ANKRD35: variants seen among roughly 807,000 people sequenced by gnomAD.
ANKRD35 encodes the protein ankyrin repeat domain-containing protein 35.
In ANKRD35, 102 loss-of-function variants were observed where a neutral mutation model predicts 109.9. That is an observed-to-expected ratio of 0.93 (90% CI 0.79 to 1.09). The LOEUF (loss-of-function observed/expected upper bound fraction) is 1.09, where lower values mean the gene tolerates loss of function less well. Among genes scored for constraint, ANKRD35 ranks in the 50% least tolerant of loss-of-function variants. The pLI is 0.00. For missense variants in ANKRD35, 1,240 were observed against 1,230.1 expected (o/e 1.01, Z -0.12); for synonymous variants, 515 against 512.4 (o/e 1.01, Z -0.07).
intron 10 of ANKRD35, among the ~76,000 whole-genome samples, chr1:145,869,010 G>T (rs1653707703): frequency 1.3e-5 from 2 of 151,860 alleles, no homozygotes; most frequent in Admixed American, 1.3e-4. Flanking sequence ...TTTCAAAAGA[G>T]GCATCTAAAT....
chr1:145,878,319 C>T (rs2101714051), intron 3 of ANKRD35, 72 bp downstream of exon 3: 3 of 1,452,214 alleles, frequency 2.1e-6, no homozygotes, highest in Middle Eastern at 2.0e-4. Flanking sequence ...CCAGCAGGGC[C>T]CAGCACCGCC....
At position 145,874,978 on chromosome 1, in the gene ANKRD35, C is replaced by A; in HGVS notation, c.589G>T (p.Gly197Cys). ...KSALILACEK[G>C]SAEVAELLLS... The stretch of plus-strand genomic sequence containing the variant: ...AGCAGTTCAGCCACCTCGGCACTGC[C>A]TTTCTCACAGGCCAGGATCAAAGCC... Residue 197 changes from glycine (G) to cysteine (C), a missense_variant, in exon 8 of 14, where the codon GGC becomes TGC. Coordinates refer to ENST00000355594, the MANE Select transcript of ANKRD35 (RefSeq NM_144698.5). The A allele has an allele frequency of 6.2e-7, 1 of 1,611,104 alleles. No individual in the cohort carries two copies. The highest frequency in any genetic ancestry group is 8.5e-7 in the Non-Finnish European group (1 of 1,178,758).
intron 10 of ANKRD35, among the ~76,000 whole-genome samples, chr1:145,871,257 T>A (rs1233721181): frequency 2.1e-5 from 3 of 144,206 alleles, no homozygotes; most frequent in African/African-American, 7.6e-5. Flanking sequence ...TCTGCCTCTC[T>A]GGTTCAGGCG....
intron 10 of ANKRD35, among the ~76,000 whole-genome samples, chr1:145,870,720 A>G (rs1282596829): frequency 6.6e-6 from 1 of 151,946 alleles, no homozygotes; most frequent in African/African-American, 2.4e-5. Context: ...ATATATATAT[A>G]TAACGTTTTT....
intron 1 of ANKRD35, among the ~76,000 whole-genome samples, chr1:145,880,908 A>C (rs1040639190): frequency 1.3e-5 from 2 of 152,244 alleles, no homozygotes; most frequent in South Asian, 4.1e-4. Flanking sequence ...CTATTATTCC[A>C]TCTCTTTGAC....
intron 1 of ANKRD35, among the ~76,000 whole-genome samples, chr1:145,881,949 CTTTT>C (rs782253954): frequency 1.1e-4 from 11 of 104,640 alleles, no homozygotes; most frequent in African/African-American, 3.8e-4. Flanking sequence ...CTTTCCCCTT[CTTTT>C]TTTTTTTTTT....
chr1:145,868,606 C>T (rs781925633), intron 10 of ANKRD35, among the ~76,000 whole-genome samples: 2 of 152,230 alleles, frequency 1.3e-5, no homozygotes, highest in African/African-American at 4.8e-5. Flanking sequence ...TCACAAACTT[C>T]GGTGAAACCC....
intron 4 of ANKRD35, 102 bp downstream of exon 4, chr1:145,877,866 A>G (rs1290909297): frequency 8.9e-7 from 1 of 1,120,600 alleles, no homozygotes; most frequent in Non-Finnish European, 1.3e-6. Context: ...GGATGAGGCG[A>G]GTACATTTGG....
chr1:145,882,462 A>ATTTTTTTTT (rs781961496), intron 1 of ANKRD35, among the ~76,000 whole-genome samples: 4,981 of 140,122 alleles, frequency 0.036, 364 homozygotes, highest in African/African-American at 0.13. Flanking sequence ...CACCCAGGTA[A>ATTTTTTTTT]TTTTTTTTTT....
Position 145,873,277 on chromosome 1 carries a change from C to T in ANKRD35, c.1492G>A (p.Glu498Lys), listed in dbSNP as rs781997444. Residue 498 changes from glutamate to lysine, a missense_variant, in exon 10 of 14, where the codon GAG becomes AAG. By Grantham distance (56) the Glu-to-Lys change is moderately conservative. Transcript: ENST00000355594. ...MNQLLLQLRE[E>K]LAAVWREKDA... ...TTTTCTCGCCACACTGCAGCAAGCT[C>T]CTCCCTTAGTTGAAGCAGAAGCTGG... The T allele has an allele frequency of 3.1e-6, 5 of 1,614,170 alleles. No individual in the cohort carries two copies. In the South Asian group the frequency reaches 5.5e-5, roughly 18 times the overall value.
chr1:145,881,080 G>A (rs1553741033), intron 1 of ANKRD35, among the ~76,000 whole-genome samples: 3 of 152,240 alleles, frequency 2.0e-5, no homozygotes, highest in Non-Finnish European at 1.5e-5. Flanking sequence ...GAGGTCAGGA[G>A]TTCAAGACCA....
chr1:145,873,547 C>G lies in ANKRD35; in HGVS notation c.1222G>C (p.Ala408Pro). ...ACTTCATACTGGATCTTTCCTGGGG[C>G]TGAGTCCTCAGCCTTCTTTGGAGCT... The part of the protein sequence containing the change: ...VLAPKKAEDS[A>P]PGKIQYEVHG... Residue 408 changes from alanine to proline, a missense_variant, in exon 10 of 14, where the codon GCC becomes CCC. Coordinates refer to ENST00000355594, the MANE Select transcript of ANKRD35 (RefSeq NM_144698.5). The G allele has an allele frequency of 6.2e-7, 1 of 1,614,128 alleles. No homozygotes were observed. Among genetic ancestry groups the G allele is most frequent in the South Asian group, 1.1e-5 (1 of 91,082 alleles).
intron 4 of ANKRD35, among the ~76,000 whole-genome samples, chr1:145,877,168 T>G (rs1280943385): frequency 6.6e-6 from 1 of 152,082 alleles, no homozygotes; most frequent in Non-Finnish European, 1.5e-5. Context: ...ATTGTGAAAT[T>G]TGGAAAGGAT....
At position 145,873,383 on chromosome 1, in the gene ANKRD35, A is replaced by G. The variant is rs1553739338; in HGVS notation, c.1386T>C (p.Ala462=). The G allele has an allele frequency of 1.9e-6, 3 of 1,614,200 alleles. No homozygotes were observed. The highest frequency in any genetic ancestry group is 2.5e-6 in the Non-Finnish European group (3 of 1,180,038). The change falls in exon 10 of 14, where the codon GCT becomes GCC. Residue 462 remains alanine (A), a synonymous_variant. Transcript: ENST00000355594. ...FGPDHADQLP[A]GQKESSQVLG... Reference sequence around the variant, plus strand: ...GAACCTGGGAACTCTCCTTCTGACCAGCAGGCAGCTGGTCAGCATGATCAG... The same window carrying G: ...GAACCTGGGAACTCTCCTTCTGACCGGCAGGCAGCTGGTCAGCATGATCAG...
chr1:145,878,027 T>C lies in ANKRD35; in HGVS notation c.265A>G (p.Thr89Ala). 1 of 1,613,936 alleles carries C rather than the reference T, an allele frequency of 6.2e-7. No individual in the cohort carries two copies. The highest frequency in any genetic ancestry group is 8.5e-7 in the Non-Finnish European group (1 of 1,179,940). ...DINSKNEDGSTALHLATISCQ... is the reference protein window; with the variant it reads ...DINSKNEDGSAALHLATISCQ... ...GAGATGGTGGCCAAGTGTAGGGCAG[T>C]GCTTCCTGGAACAGAAAGAAGGGGA... The change falls in exon 4 of 14, where the codon ACT becomes GCT. Residue 89 changes from threonine (T) to alanine (A), a missense_variant. Transcript: ENST00000355594.
chr1:145,875,847 T>C (rs1553739958), intron 7 of ANKRD35, among the ~76,000 whole-genome samples: 2 of 152,160 alleles, frequency 1.3e-5, no homozygotes, highest in East Asian at 1.9e-4. Context: ...ACATTTTTTA[T>C]TGGAAAAAAG....
intron 7 of ANKRD35, 123 bp downstream of exon 7, chr1:145,876,017 C>T: frequency 1.2e-6 from 1 of 833,068 alleles, no homozygotes; most frequent in Admixed American, 2.5e-5. Context: ...TTCCCAAGAA[C>T]ACAAAGACCA....
In ANKRD35 at chr1:145,873,524, T is replaced by C; in HGVS notation, c.1245A>G (p.Glu415=). ...CTTCTGGTTGGGACCTTCCATGGAC[T>C]TCATACTGGATCTTTCCTGGGGCTG... ...EDSAPGKIQY[E]VHGRSQPEEQ... The change falls in exon 10 of 14, where the codon GAA becomes GAG. Residue 415 remains glutamate (E), a synonymous_variant. Coordinates refer to ENST00000355594, the MANE Select transcript of ANKRD35 (RefSeq NM_144698.5). The C allele has an allele frequency of 5.6e-6, 9 of 1,614,022 alleles. No individual in the cohort carries two copies. The highest frequency in any genetic ancestry group is 6.8e-6 in the Non-Finnish European group (8 of 1,179,982).
Position 145,872,137 on chromosome 1 carries a change from G to T in ANKRD35, c.2632C>A (p.Arg878Ser). ...GCGGCCAGGTCCCCGCTCCGGCGGC[G>T]CTCCTCGGCCACCGCCTCCCGCAGC... Reference protein sequence around the residue: ...GRLREAVAEERRRSGDLAAQA... With the variant: ...GRLREAVAEESRRSGDLAAQA... Residue 878 changes from arginine to serine, a missense_variant, in exon 10 of 14, where the codon CGC becomes AGC. Transcript: ENST00000355594. 1 of 1,608,996 alleles carries T rather than the reference G, an allele frequency of 6.2e-7. No individual in the cohort carries two copies. Among genetic ancestry groups the T allele is most frequent in the Non-Finnish European group, 8.5e-7 (1 of 1,178,064 alleles).
Sources: gnomAD v4.1 joint callset for allele counts (sites outside exome capture counted in the v4.1 genomes callset) on GRCh38, gnomAD v4.1.1 for gene constraint, MANE v1.5 for transcripts, NCBI Gene and HGNC (gene_info 2026-07-23, HGNC 2026-07-21) for gene names.